Variants in CDCA7L observed in about 807,000 individuals in gnomAD.
The protein encoded by CDCA7L is cell division cycle associated 7 like, also known as cell division cycle-associated 7-like protein.
CDCA7L carries 44 observed loss-of-function variants against 57.4 expected under a neutral mutation model. The observed-to-expected ratio is 0.77, with a 90% CI of 0.60 to 0.98. The LOEUF (loss-of-function observed/expected upper bound fraction) is 0.98, where lower values mean the gene tolerates loss of function less well. Among genes scored for constraint, CDCA7L ranks in the 50% least tolerant of loss-of-function variants. CDCA7L has a pLI of 0.00. For synonymous variants in CDCA7L, 236 were observed against 202.8 expected (o/e 1.16, Z -1.39); for missense variants, 644 against 580.6 (o/e 1.11, Z -1.12).
rs57283961 is a variant in CDCA7L at position 21,929,631 on chromosome 7, C to CAAAAAAAAAAAAA, written c.25-12750_25-12738dup. On this transcript the variant is annotated intron_variant, in intron 1 of 9. Transcript: ENST00000406877. Reference sequence around the variant, plus strand: ...GGAATATTATCCAGCAAATGGAAAGCAAAAAAAAAAAAAAAAAAAAAAAAA... The same window carrying CAAAAAAAAAAAAA: ...GGAATATTATCCAGCAAATGGAAAGCAAAAAAAAAAAAAAAAAAAAAAAAAAAAAAAAAAAAAA... Among the ~76,000 whole-genome samples, 51 of 35,508 alleles carry CAAAAAAAAAAAAA rather than the reference C, an allele frequency of 1.4e-3. 1 individual carries two copies. The highest frequency in any genetic ancestry group is 2.1e-3 in the African/African-American group (14 of 6,546). 23.3% of individuals were successfully genotyped at this position (35,508 alleles called of 152,430 possible).
At chr7:21,926,820 C>T (rs1785845663) in intron 1 of CDCA7L, among the ~76,000 whole-genome samples, 1 of 152,172 alleles carries the variant, frequency 6.6e-6, no homozygotes, top group Non-Finnish European at 1.5e-5. Flanking sequence ...CTGCAGTGAG[C>T]TGTGATCAAG....
chr7:21,912,292 T>C (rs1785356658), intron 2 of CDCA7L, among the ~76,000 whole-genome samples: 2 of 152,034 alleles, frequency 1.3e-5, no homozygotes, highest in Admixed American at 6.5e-5. Context: ...AGACCCTCTC[T>C]CAAAAAAACC....
chr7:21,903,553 T>C (rs1026794557), intron 8 of CDCA7L, among the ~76,000 whole-genome samples: 2 of 147,852 alleles, frequency 1.4e-5, no homozygotes, highest in Non-Finnish European at 3.0e-5. Context: ...ATTTACCCCA[T>C]GACTGCTGCC....
intron 3 of CDCA7L, among the ~76,000 whole-genome samples, chr7:21,911,354 A>G (rs1785321007): frequency 6.6e-6 from 1 of 152,010 alleles, no homozygotes; most frequent in Non-Finnish European, 1.5e-5. Flanking sequence ...TGAGAAGGAC[A>G]ATAAAGGACG....
chr7:21,902,042 A>C lies in CDCA7L; in HGVS notation c.*280T>G. ...ACTTACTTACCTGAACTTTAACCCC[A>C]CCCCATTTAAACTGTGCTTTTTAAT... is the stretch of plus-strand genomic sequence containing the variant. On this transcript the variant is annotated 3_prime_UTR_variant, in exon 10 of 10. Transcript: ENST00000406877. 1 of 445,780 alleles carries C rather than the reference A, an allele frequency of 2.2e-6. No homozygotes were observed. The highest frequency in any genetic ancestry group is 4.1e-6 in the Non-Finnish European group (1 of 245,802). The allele number at this position is 445,780 out of a possible 1,614,324, so 27.6% of individuals were successfully genotyped here.
chr7:21,938,066 C>A (rs535282325), intron 1 of CDCA7L, among the ~76,000 whole-genome samples: 1 of 152,158 alleles, frequency 6.6e-6, no homozygotes, highest in East Asian at 1.9e-4. Flanking sequence ...ATAAACTAGA[C>A]CTCAAAATTA....
chr7:21,938,021 A>G (rs1470164089), intron 1 of CDCA7L, among the ~76,000 whole-genome samples: 1 of 152,244 alleles, frequency 6.6e-6, no homozygotes, highest in Non-Finnish European at 1.5e-5. Flanking sequence ...GAATTTGGCA[A>G]TAATTTCTTG....
rs1250303228 is a variant in CDCA7L at position 21,914,213 on chromosome 7, AAAC to A, written c.166-2462_166-2460del. On this transcript the variant is annotated intron_variant, in intron 2 of 9. Transcript: ENST00000406877. ...GCACCCCATTTCAACTGCACCCAGC[AAAC>A]AACACCCCCCGTGCTCACTGTATAC... Among the ~76,000 whole-genome samples the A allele has an allele frequency of 3.3e-5, 5 of 152,204 alleles. No homozygotes were observed. In the East Asian group the frequency reaches 9.7e-4, roughly 29 times the overall value.
At chr7:21,914,275 G>A (rs1469019109) in intron 2 of CDCA7L, among the ~76,000 whole-genome samples, 2 of 152,150 alleles carry the variant, frequency 1.3e-5, no homozygotes, top group African/African-American at 2.4e-5. Context: ...TGAAATCAGA[G>A]GAAAGGAACA....
chr7:21,928,579 C>T (rs1374231060), intron 1 of CDCA7L, among the ~76,000 whole-genome samples: 1 of 151,688 alleles, frequency 6.6e-6, no homozygotes, highest in Non-Finnish European at 1.5e-5. Context: ...GAATTGCTAA[C>T]GAGAATAACC....
intron 2 of CDCA7L, among the ~76,000 whole-genome samples, chr7:21,913,030 C>G (rs1785381896): frequency 6.6e-6 from 1 of 152,092 alleles, no homozygotes; most frequent in Non-Finnish European, 1.5e-5. Context: ...TCTGACGTCT[C>G]TTCCCCCCAT....
intron 1 of CDCA7L, among the ~76,000 whole-genome samples, chr7:21,933,119 T>C (rs186072855): frequency 1.3e-5 from 2 of 152,306 alleles, no homozygotes; most frequent in East Asian, 1.9e-4. Flanking sequence ...TCGTGCCAGT[T>C]AGAATGGCGA....
At chr7:21,905,828 C>A (rs1352633189) in intron 6 of CDCA7L, 197 bp from the exon 7 acceptor site, 10 of 579,632 alleles carry the variant, frequency 1.7e-5, no homozygotes, top group South Asian at 3.1e-5. Flanking sequence ...GCGATACAAT[C>A]ATAAAGGAGG....
At chr7:21,911,850 C>A in intron 2 of CDCA7L, 96 bp from the exon 3 acceptor site, 1 of 1,186,052 alleles carries the variant, frequency 8.4e-7, no homozygotes, top group Non-Finnish European at 1.2e-6. Context: ...TACAGAGCTT[C>A]TGATGGAGAT....
chr7:21,917,128 G>A (rs899575610), intron 1 of CDCA7L, among the ~76,000 whole-genome samples: 4 of 152,150 alleles, frequency 2.6e-5, no homozygotes, highest in Non-Finnish European at 5.9e-5. Flanking sequence ...CTATTTTACA[G>A]AGAATGTTAA....
At position 21,911,778 on chromosome 7, in the gene CDCA7L, C is replaced by T. The variant is rs377238632; in HGVS notation, c.166-24G>A. 7.5e-6 allele frequency: 12 copies of T among 1,605,526 alleles called. No individual in the cohort carries two copies. The African/African-American group carries it at 1.6e-4, about 22-fold the overall frequency. The stretch of plus-strand genomic sequence containing the variant: ...TGCTAAATTAAAGACACACATACAT[C>T]AGAGACGGAAAGTAGAATAGAGGTT... On this transcript the variant is annotated intron_variant, in intron 2 of 9. Coordinates refer to ENST00000406877, the MANE Select transcript of CDCA7L (RefSeq NM_018719.5).
intron 1 of CDCA7L, among the ~76,000 whole-genome samples, chr7:21,922,190 T>C (rs905464477): frequency 1.3e-5 from 2 of 152,220 alleles, no homozygotes; most frequent in African/African-American, 4.8e-5. Context: ...GACATCTTTC[T>C]ACAAAGCAGT....
At chr7:21,903,590 TG>T (rs1160833967) in intron 8 of CDCA7L, among the ~76,000 whole-genome samples, 6 of 133,854 alleles carry the variant, frequency 4.5e-5, no homozygotes, top group Non-Finnish European at 8.1e-5. Context: ...GGAGCAGGAC[TG>T]CCCCAGGCTC....
chr7:21,909,559 T>C (rs984737890), intron 3 of CDCA7L, among the ~76,000 whole-genome samples: 4 of 152,186 alleles, frequency 2.6e-5, no homozygotes, highest in Admixed American at 2.6e-4. Context: ...AACCCTGGTA[T>C]ATCCACACCA....
Sources: gnomAD v4.1 joint callset for allele counts (sites outside exome capture counted in the v4.1 genomes callset) on GRCh38, gnomAD v4.1.1 for gene constraint, MANE v1.5 for transcripts, NCBI Gene and HGNC (gene_info 2026-07-23, HGNC 2026-07-21) for gene names.